Variants in SGCZ observed in about 807,000 individuals in gnomAD.
The protein encoded by SGCZ is zeta-sarcoglycan.
A neutral mutation model predicts 41.3 loss-of-function variants in SGCZ; 40 were observed. The observed-to-expected ratio is 0.97, with a 90% CI of 0.75 to 1.26. The LOEUF is 1.26. SGCZ is among the 50% of genes most tolerant of loss of function. SGCZ has a pLI of 0.00. For missense variants in SGCZ, 552 were observed against 369.8 expected, an observed-to-expected ratio of 1.49 and a Z score of -4.04; for synonymous variants, 206 against 137.5, an observed-to-expected ratio of 1.50 and a Z score of -3.49.
chr8:15,225,567 G>C (rs772539367), intron 1 of SGCZ, among the ~76,000 whole-genome samples: 1 of 152,140 alleles, frequency 6.6e-6, no homozygotes, highest in Non-Finnish European at 1.5e-5. Flanking sequence ...TTTCCAGAGA[G>C]CCTGGAAATT....
intron 2 of SGCZ, among the ~76,000 whole-genome samples, chr8:14,426,495 C>A (rs575872286): frequency 6.7e-6 from 1 of 150,214 alleles, no homozygotes; most frequent in East Asian, 1.9e-4. Flanking sequence ...AGAACTAGAG[C>A]AAGCAGAAAA....
At chr8:14,378,381 T>C (rs1804221103) in intron 2 of SGCZ, among the ~76,000 whole-genome samples, 1 of 152,308 alleles carries the variant, frequency 6.6e-6, no homozygotes, top group African/African-American at 2.4e-5. Context: ...AAGGACTTCA[T>C]GTCTAAAACA....
chr8:14,095,845 A>T (rs113867060), intron 7 of SGCZ, among the ~76,000 whole-genome samples: 6 of 151,858 alleles, frequency 4.0e-5, no homozygotes, highest in African/African-American at 1.5e-4. Context: ...ATTCCTACGT[A>T]TTTCATTCTC....
At chr8:15,127,567 TAACAA>T (rs914268883) in intron 1 of SGCZ, among the ~76,000 whole-genome samples, 13 of 152,286 alleles carry the variant, frequency 8.5e-5, no homozygotes, top group African/African-American at 2.4e-4. Flanking sequence ...TCTTGTGAAT[TAACAA>T]AACAAAACAA....
At chr8:15,108,778 T>G (rs1806933243) in intron 1 of SGCZ, among the ~76,000 whole-genome samples, 1 of 152,166 alleles carries the variant, frequency 6.6e-6, no homozygotes, top group Non-Finnish European at 1.5e-5. Flanking sequence ...GCTACTAACA[T>G]GAATACGTCT....
intron 1 of SGCZ, among the ~76,000 whole-genome samples, chr8:15,213,587 T>A (rs186755760): frequency 6.6e-6 from 1 of 151,758 alleles, no homozygotes; most frequent in East Asian, 1.9e-4. Flanking sequence ...AAATCCTAAT[T>A]GCTTTTATAA....
intron 2 of SGCZ, among the ~76,000 whole-genome samples, chr8:14,405,310 G>C (rs1799183416): frequency 6.6e-6 from 1 of 152,104 alleles, no homozygotes; most frequent in South Asian, 2.1e-4. Context: ...GCTATTTAAA[G>C]CTATGATGGT....
At chr8:14,994,751 T>C (rs1802155232) in intron 1 of SGCZ, among the ~76,000 whole-genome samples, 1 of 152,238 alleles carries the variant, frequency 6.6e-6, no homozygotes, top group South Asian at 2.1e-4. Flanking sequence ...AGTGAATGGA[T>C]TTATGTTCTA....
At chr8:14,601,842 C>T (rs1468206897) in intron 1 of SGCZ, among the ~76,000 whole-genome samples, 2 of 152,076 alleles carry the variant, frequency 1.3e-5, no homozygotes, top group Non-Finnish European at 2.9e-5. Context: ...GATGTGGTGC[C>T]GGGCGCGGTG....
intron 2 of SGCZ, among the ~76,000 whole-genome samples, chr8:14,395,302 T>C (rs1798880348): frequency 1.3e-5 from 2 of 152,100 alleles, no homozygotes; most frequent in African/African-American, 2.4e-5. Context: ...ATTGTGGTAA[T>C]AAAGAAATAA....
chr8:14,590,925 A>G (rs1403545015), intron 1 of SGCZ, among the ~76,000 whole-genome samples: 1 of 150,126 alleles, frequency 6.7e-6, no homozygotes, highest in Non-Finnish European at 1.5e-5. Flanking sequence ...TATATGTCAT[A>G]TATGTGCTAT....
intron 1 of SGCZ, among the ~76,000 whole-genome samples, chr8:14,772,241 A>G (rs1035490817): frequency 1.8e-4 from 28 of 152,286 alleles, no homozygotes; most frequent in Admixed American, 1.4e-3. Context: ...GTATAATGAG[A>G]TGTATTAAAT....
chr8:15,212,267 G>A (rs982859982), intron 1 of SGCZ, among the ~76,000 whole-genome samples: 1 of 152,030 alleles, frequency 6.6e-6, no homozygotes, highest in African/African-American at 2.4e-5. Context: ...CACCAACACT[G>A]GCCAATTCAT....
At chr8:14,206,571 T>A (rs1276316448) in intron 4 of SGCZ, among the ~76,000 whole-genome samples, 1 of 152,154 alleles carries the variant, frequency 6.6e-6, no homozygotes, top group East Asian at 1.9e-4. Flanking sequence ...TCCAGTGAGA[T>A]TTGAAAGCAA....
chr8:14,271,340 C>A (rs943887818), intron 3 of SGCZ, among the ~76,000 whole-genome samples: 2 of 152,118 alleles, frequency 1.3e-5, no homozygotes, highest in African/African-American at 2.4e-5. Flanking sequence ...AGATGAGAAT[C>A]ATTTTGTTTT....
intron 7 of SGCZ, among the ~76,000 whole-genome samples, chr8:14,094,837 G>T (rs1252288080): frequency 6.6e-6 from 1 of 152,054 alleles, no homozygotes; most frequent in Admixed American, 6.6e-5. Flanking sequence ...TCTAACTGGC[G>T]TGAGATGGTA....
At chr8:14,990,207 G>A (rs1801961516) in intron 1 of SGCZ, among the ~76,000 whole-genome samples, 1 of 152,096 alleles carries the variant, frequency 6.6e-6, no homozygotes, top group African/African-American at 2.4e-5. Flanking sequence ...GCTTAGAGTA[G>A]AAAATCAAAA....
chr8:14,483,804 T>G (rs36077823), intron 2 of SGCZ, among the ~76,000 whole-genome samples: 72,861 of 151,966 alleles, frequency 0.48, 17,856 homozygotes, highest in East Asian at 0.68. Context: ...ATATGCAGCA[T>G]AAATGACAAA....
At chr8:14,947,431 A>T (rs1024377342) in intron 1 of SGCZ, among the ~76,000 whole-genome samples, 3 of 152,016 alleles carry the variant, frequency 2.0e-5, no homozygotes, top group African/African-American at 7.2e-5. Context: ...CTTTGTCCTG[A>T]TGTGGACAAC....
Sources: allele counts gnomAD v4.1 joint callset (sites outside exome capture counted in the v4.1 genomes callset), GRCh38; gene constraint gnomAD v4.1.1; transcripts MANE v1.5; gene names NCBI Gene and HGNC (gene_info 2026-07-23, HGNC 2026-07-21).